SUGCT: variants seen among roughly 807,000 people sequenced by gnomAD.
The protein encoded by SUGCT is succinyl-CoA:glutarate-CoA transferase.
SUGCT carries 41 observed loss-of-function variants against 55.0 expected under a neutral mutation model. The ratio of observed to expected loss-of-function variants is 0.74; its 90% CI spans 0.58 to 0.97. The LOEUF (loss-of-function observed/expected upper bound fraction) is 0.97, where lower values mean the gene tolerates loss of function less well. SUGCT is among the 50% of genes least tolerant of loss of function. The pLI is 0.00. For missense variants in SUGCT, 568 were observed against 547.8 expected (o/e 1.04, Z -0.37); for synonymous variants, 187 against 200.4 (o/e 0.93, Z 0.56).
intron 6 of SUGCT, among the ~76,000 whole-genome samples, chr7:40,226,877 C>A (rs1421164951): frequency 6.6e-6 from 1 of 151,800 alleles, no homozygotes; most frequent in East Asian, 1.9e-4. Context: ...CATTGCACTC[C>A]AGCCTGGGCA....
At chr7:41,017,385 T>A in the SUGCT span, among the ~76,000 whole-genome samples, 5 of 152,222 alleles carry the variant, frequency 3.3e-5, no homozygotes, top group African/African-American at 1.2e-4. Context: ...TCTAGTGAGA[T>A]ATTTAAAAAT....
the SUGCT span, among the ~76,000 whole-genome samples, chr7:40,885,174 G>A: frequency 2.0e-5 from 3 of 152,142 alleles, no homozygotes; most frequent in Non-Finnish European, 4.4e-5. Flanking sequence ...TGGTGGTAAC[G>A]GCAGTAGAAG....
At chr7:40,743,833 A>G (rs1049553729) in intron 12 of SUGCT, among the ~76,000 whole-genome samples, 1 of 152,136 alleles carries the variant, frequency 6.6e-6, no homozygotes, top group Admixed American at 6.6e-5. Flanking sequence ...CTTTATACTC[A>G]TCATTGCACT....
chr7:40,850,948 G>A (rs754581127), intron 13 of SUGCT, among the ~76,000 whole-genome samples: 1 of 152,216 alleles, frequency 6.6e-6, no homozygotes, highest in African/African-American at 2.4e-5. Flanking sequence ...CATACATTGA[G>A]TATTTACTGT....
chr7:41,030,245 T>A, the SUGCT span, among the ~76,000 whole-genome samples: 1 of 149,950 alleles, frequency 6.7e-6, no homozygotes, highest in African/African-American at 2.5e-5. Flanking sequence ...TCCAGAGGCT[T>A]TTTTTTTTCA....
intron 12 of SUGCT, among the ~76,000 whole-genome samples, chr7:40,663,485 A>ATGTG (rs59033010): frequency 0.076 from 10,248 of 134,972 alleles, 527 homozygotes; most frequent in African/African-American, 0.15. Context: ...TTTGTGGTGT[A>ATGTG]TGTGTGTGTG....
the SUGCT span, among the ~76,000 whole-genome samples, chr7:40,971,389 C>T: frequency 6.6e-6 from 1 of 152,086 alleles, no homozygotes; most frequent in Non-Finnish European, 1.5e-5. Flanking sequence ...CAAACTATAT[C>T]AGGATGTGAA....
At chr7:40,160,418 G>A (rs143095063) in intron 1 of SUGCT, among the ~76,000 whole-genome samples, 4,694 of 151,936 alleles carry the variant, frequency 0.031, 237 homozygotes, top group African/African-American at 0.11. Context: ...TAGTAGAGAC[G>A]GAGTTTCACC....
At chr7:40,802,122 G>A (rs979888530) in intron 13 of SUGCT, among the ~76,000 whole-genome samples, 3 of 152,146 alleles carry the variant, frequency 2.0e-5, no homozygotes, top group African/African-American at 7.2e-5. Flanking sequence ...AGGAAACAGT[G>A]AAATTTTGTA....
At chr7:40,724,337 G>A (rs1387790417) in intron 12 of SUGCT, among the ~76,000 whole-genome samples, 1 of 152,122 alleles carries the variant, frequency 6.6e-6, no homozygotes, top group East Asian at 1.9e-4. Context: ...AGGCCAAGGC[G>A]GGCAGATGAC....
chr7:40,577,862 A>C (rs1442190521), intron 12 of SUGCT, among the ~76,000 whole-genome samples: 1 of 152,210 alleles, frequency 6.6e-6, no homozygotes, highest in East Asian at 1.9e-4. Flanking sequence ...TAAAAACTAT[A>C]AACATTTGTT....
intron 13 of SUGCT, among the ~76,000 whole-genome samples, chr7:40,782,437 A>C (rs17770820): frequency 0.015 from 2,272 of 152,098 alleles, 149 homozygotes; most frequent in East Asian, 0.098. Context: ...GTTTATTTCT[A>C]TTATTATCTG....
intron 12 of SUGCT, among the ~76,000 whole-genome samples, chr7:40,521,072 A>G (rs774107690): frequency 1.3e-5 from 2 of 152,092 alleles, no homozygotes; most frequent in Non-Finnish European, 2.9e-5. Context: ...ATAAAAGGAA[A>G]ACTAGATATT....
chr7:40,663,222 TTTAA>T (rs1208778156), intron 12 of SUGCT, among the ~76,000 whole-genome samples: 2 of 152,228 alleles, frequency 1.3e-5, no homozygotes, highest in Admixed American at 6.5e-5. Flanking sequence ...TTGTTTAATT[TTTAA>T]TTAAGGGTAA....
At chr7:40,906,036 A>C in the SUGCT span, among the ~76,000 whole-genome samples, 11 of 152,020 alleles carry the variant, frequency 7.2e-5, no homozygotes, top group African/African-American at 2.4e-4. Context: ...CATTTTAACC[A>C]TTTTTAAGTG....
intron 9 of SUGCT, among the ~76,000 whole-genome samples, chr7:40,411,219 C>T (rs1385128543): frequency 6.6e-6 from 1 of 152,086 alleles, no homozygotes; most frequent in East Asian, 1.9e-4. Flanking sequence ...ATGGTGAAAC[C>T]CCATCCCTAC....
At chr7:40,721,449 A>T (rs865785609) in intron 12 of SUGCT, among the ~76,000 whole-genome samples, 2 of 152,188 alleles carry the variant, frequency 1.3e-5, no homozygotes, top group South Asian at 2.1e-4. Flanking sequence ...CTCTCAGAGG[A>T]TCTCACTGTG....
chr7:40,752,805 C>G (rs1480988796), intron 13 of SUGCT, among the ~76,000 whole-genome samples: 2 of 152,210 alleles, frequency 1.3e-5, no homozygotes, highest in Non-Finnish European at 2.9e-5. Flanking sequence ...ACAGAGTTCT[C>G]AGATCCACAG....
At chr7:40,752,146 G>A (rs995178431) in intron 13 of SUGCT, among the ~76,000 whole-genome samples, 1 of 152,080 alleles carries the variant, frequency 6.6e-6, no homozygotes, top group African/African-American at 2.4e-5. Context: ...GGGCTCAGCT[G>A]GGTAGCTTTG....
Sources: allele counts gnomAD v4.1 joint callset (sites outside exome capture counted in the v4.1 genomes callset), GRCh38; gene constraint gnomAD v4.1.1; transcripts MANE v1.5; gene names NCBI Gene and HGNC (gene_info 2026-07-23, HGNC 2026-07-21).